The following CLSTN2 variants were observed in gnomAD, a reference collection of about 807,000 sequenced individuals.
The protein encoded by CLSTN2 is calsyntenin 2.
CLSTN2 carries 48 observed loss-of-function variants against 101.2 expected under a neutral mutation model. The observed-to-expected ratio is 0.47, with a 90% CI of 0.38 to 0.60. CLSTN2 has a LOEUF of 0.60. CLSTN2 is among the 20% of genes least tolerant of loss of function. The pLI, the probability that CLSTN2 is intolerant of heterozygous loss-of-function variation, is 0.00. For missense variants in CLSTN2, 1,160 were observed against 1,238.2 expected (o/e 0.94, Z 0.95); for synonymous variants, 481 against 463.6 (o/e 1.04, Z -0.48).
chr3:140,137,504 C>T (rs926154152), intron 1 of CLSTN2, among the ~76,000 whole-genome samples: 3 of 152,154 alleles, frequency 2.0e-5, no homozygotes, highest in Non-Finnish European at 4.4e-5. Context: ...CATATCACTT[C>T]GTGTCCTCTA....
chr3:140,045,943 T>G (rs560467426), intron 1 of CLSTN2, among the ~76,000 whole-genome samples: 3 of 152,320 alleles, frequency 2.0e-5, no homozygotes, highest in Non-Finnish European at 4.4e-5. Context: ...TCCAACTACG[T>G]GGTCAGTTTT....
rs1030006101 is a variant in CLSTN2, at chr3:140,075,378, A to G, written c.110-100573A>G. On this transcript the variant is annotated intron_variant, in intron 1 of 16. Transcript: ENST00000458420. ...ATATACATATCTCATAGAACTCGAA[A>G]TAGTTTCCTGTTTGTATTATAATTT... is the stretch of plus-strand genomic sequence containing the variant. 3.9e-5 allele frequency among the ~76,000 whole-genome samples: 6 copies of G among 152,260 alleles called. 1 individual carries two copies. Among genetic ancestry groups the G allele is most frequent in the Admixed American group, 3.3e-4 (5 of 15,294 alleles).
At position 140,020,209 on chromosome 3, in the gene CLSTN2, T is replaced by C. The variant is rs191734625; in HGVS notation, c.109+84726T>C. On this transcript the variant is annotated intron_variant, in intron 1 of 16. Coordinates refer to ENST00000458420, the MANE Select transcript of CLSTN2 (RefSeq NM_022131.3). ...GACACAAAGAGCAGGCTGGTAATGC[T>C]GAGAAGCGAACATTCAGTACCTGTC... Among the ~76,000 whole-genome samples, 249 of 152,312 alleles carry C rather than the reference T, an allele frequency of 1.6e-3. 1 individual carries two copies. Among genetic ancestry groups the C allele is most frequent in the African/African-American group, 5.7e-3 (235 of 41,566 alleles).
chr3:140,257,007 G>A (rs2086609224), intron 2 of CLSTN2, among the ~76,000 whole-genome samples: 1 of 152,138 alleles, frequency 6.6e-6, no homozygotes, highest in African/African-American at 2.4e-5. Flanking sequence ...GGCATACATA[G>A]GCCGGGCGCG....
chr3:139,958,651 C>T (rs1935450858), intron 1 of CLSTN2, among the ~76,000 whole-genome samples: 1 of 151,702 alleles, frequency 6.6e-6, no homozygotes, highest in East Asian at 1.9e-4. Context: ...TGTGCTCCTT[C>T]TAAGTGGTCG....
intron 2 of CLSTN2, among the ~76,000 whole-genome samples, chr3:140,218,546 T>G (rs867187946): frequency 6.6e-6 from 1 of 152,070 alleles, no homozygotes; most frequent in Non-Finnish European, 1.5e-5. Flanking sequence ...TGTTGTTAGA[T>G]AGTCTGATTT....
At chr3:140,011,516 A>G (rs2007073165) in intron 1 of CLSTN2, among the ~76,000 whole-genome samples, 1 of 152,208 alleles carries the variant, frequency 6.6e-6, no homozygotes, top group Admixed American at 6.5e-5. Flanking sequence ...CTCAGAATCC[A>G]TTCTCTGTAA....
At chr3:140,191,020 T>C (rs944308434) in intron 2 of CLSTN2, among the ~76,000 whole-genome samples, 1 of 152,132 alleles carries the variant, frequency 6.6e-6, no homozygotes, top group Non-Finnish European at 1.5e-5. Flanking sequence ...ATATTCAGTC[T>C]TTCACCAGTA....
chr3:139,949,981 GC>G (rs920588585), intron 1 of CLSTN2, among the ~76,000 whole-genome samples: 1 of 152,168 alleles, frequency 6.6e-6, no homozygotes, highest in Non-Finnish European at 1.5e-5. Context: ...AATTGGAAAA[GC>G]TTTGTCTTCA....
chr3:139,969,890 ACTGTCCTGGTT>A (rs1935665427), intron 1 of CLSTN2, among the ~76,000 whole-genome samples: 1 of 151,998 alleles, frequency 6.6e-6, no homozygotes, highest in Admixed American at 6.6e-5. Context: ...GACACCCTAG[ACTGTCCTGGTT>A]CTTTTTATTA....
chr3:139,975,344 C>T (rs1410768881), intron 1 of CLSTN2, among the ~76,000 whole-genome samples: 2 of 152,110 alleles, frequency 1.3e-5, no homozygotes, highest in Non-Finnish European at 2.9e-5. Flanking sequence ...GCTGCAGGAC[C>T]TGGGCTTGAT....
rs930814390 is a variant in CLSTN2 at position 140,459,676 on chromosome 3, G to A, written c.1129G>A (p.Asp377Asn). 6 of 1,613,994 alleles carry A rather than the reference G, an allele frequency of 3.7e-6. No individual in the cohort carries two copies. The highest frequency in any genetic ancestry group is 1.7e-5 in the Admixed American group (1 of 60,012). The change falls in exon 7 of 17, where the codon GAT (aspartate) becomes AAT (asparagine). Residue 377 changes from aspartate (D) to asparagine (N), a missense_variant. By Grantham distance (23) the Asp-to-Asn change is conservative (BLOSUM62 1). Coordinates refer to ENST00000458420, the MANE Select transcript of CLSTN2 (RefSeq NM_022131.3). ...TGGGATTGTGCCCAAGAACCTGACC[G>A]ATCAGTTCACCATCACCATGTGGAT... ...PDGIVPKNLT[D>N]QFTITMWMKH...
chr3:139,986,846 T>C (rs150107952), intron 1 of CLSTN2, among the ~76,000 whole-genome samples: 1 of 152,310 alleles, frequency 6.6e-6, no homozygotes, highest in Non-Finnish European at 1.5e-5. Flanking sequence ...CCATCCATTG[T>C]ACACTTGGGG....
intron 2 of CLSTN2, among the ~76,000 whole-genome samples, chr3:140,333,330 C>T (rs953461): frequency 6.6e-6 from 1 of 151,866 alleles, no homozygotes; most frequent in South Asian, 2.1e-4. Context: ...GACTTTTGGC[C>T]GGTCACATGT....
intron 7 of CLSTN2, among the ~76,000 whole-genome samples, chr3:140,461,668 T>C (rs6439927): frequency 0.36 from 54,843 of 151,788 alleles, 10,550 homozygotes; most frequent in African/African-American, 0.49. Flanking sequence ...CTTGTAAAAA[T>C]GTGTAGATGC....
intron 1 of CLSTN2, among the ~76,000 whole-genome samples, chr3:140,113,266 C>G (rs984441903): frequency 6.6e-6 from 1 of 152,216 alleles, no homozygotes; most frequent in South Asian, 2.1e-4. Flanking sequence ...TTCTGAACAT[C>G]CAGCAGCAAC....
chr3:140,167,652 T>C (rs2010154502), intron 1 of CLSTN2, among the ~76,000 whole-genome samples: 1 of 152,206 alleles, frequency 6.6e-6, no homozygotes, highest in Non-Finnish European at 1.5e-5. Context: ...ACAATCAAGA[T>C]ACAGAATGGT....
At chr3:140,558,975 A>C (rs531213685) in intron 12 of CLSTN2, 118 bp downstream of exon 12, 4 of 735,960 alleles carry the variant, frequency 5.4e-6, no homozygotes, top group Non-Finnish European at 9.0e-6. Flanking sequence ...AAATGTATAC[A>C]TGGCAGCGTA....
intron 1 of CLSTN2, among the ~76,000 whole-genome samples, chr3:140,110,509 A>G (rs1435942563): frequency 6.6e-6 from 1 of 152,248 alleles, no homozygotes; most frequent in Non-Finnish European, 1.5e-5. Flanking sequence ...AGGACTTTTC[A>G]CTTTGCTATT....
Sources: allele counts gnomAD v4.1 joint callset (sites outside exome capture counted in the v4.1 genomes callset), GRCh38; gene constraint gnomAD v4.1.1; transcripts MANE v1.5; gene names NCBI Gene and HGNC (gene_info 2026-07-23, HGNC 2026-07-21).